PSG6: variants seen among roughly 807,000 people sequenced by gnomAD.
PSG6 encodes pregnancy-specific beta-1-glycoprotein 6.
In PSG6, 51 loss-of-function variants were observed where a neutral mutation model predicts 43.3. That is an observed-to-expected ratio of 1.18 (90% CI 0.94 to 1.49). The LOEUF (loss-of-function observed/expected upper bound fraction) is 1.49, where lower values mean the gene tolerates loss of function less well. Ranked by LOEUF, PSG6 falls within the 40% of genes most tolerant of loss-of-function variation. The pLI, the probability that PSG6 is intolerant of heterozygous loss-of-function variation, is 0.00. For missense variants in PSG6, 770 were observed against 522.2 expected (o/e 1.47, Z -4.62); for synonymous variants, 292 against 197.6 (o/e 1.48, Z -4.01).
intron 2 of PSG6, among the ~76,000 whole-genome samples, chr19:42,914,201 A>C (rs1351969848): frequency 6.6e-6 from 1 of 151,320 alleles, no homozygotes; most frequent in Non-Finnish European, 1.5e-5. Flanking sequence ...TCTCTTAGTG[A>C]CCTGGGGACA....
rs1240113724 is a variant in PSG6, at chr19:42,906,565, C to T, written c.1240+357G>A. ...TTCCTTGTAGCTCATGGAATAGGTA[C>T]AAGAAAACAAAGACATGGCAGAAGG... is the stretch of plus-strand genomic sequence containing the variant. On this transcript the variant is annotated intron_variant, in intron 5 of 5. Coordinates refer to ENST00000187910, the MANE Select transcript of PSG6 (RefSeq NM_001031850.4). 1.1e-5 allele frequency: 15 copies of T among 1,319,946 alleles called. 1 individual carries two copies. Among genetic ancestry groups the T allele is most frequent in the Non-Finnish European group, 1.5e-5 (15 of 1,005,616 alleles). The allele number at this position is 1,319,946 out of a possible 1,614,324, so 81.8% of individuals were successfully genotyped here.
chr19:42,915,752 C>T (rs574905306), intron 2 of PSG6: 1 of 370,962 alleles, frequency 2.7e-6, no homozygotes, highest in East Asian at 4.5e-5. Context: ...GCTTCCAGAG[C>T]TGAGGTTCTC....
At position 42,910,827 on chromosome 19, in the gene PSG6, G is replaced by T. The variant is rs1234993829; in HGVS notation, c.459C>A (p.Ser153Arg). 1 of 1,611,764 alleles carries T rather than the reference G, an allele frequency of 6.2e-7. No individual in the cohort carries two copies. Among genetic ancestry groups the T allele is most frequent in the Non-Finnish European group, 8.5e-7 (1 of 1,178,874 alleles). Residue 153 changes from serine (S) to arginine (R), a missense_variant, in exon 3 of 6, where the codon AGC becomes AGA. Transcript: ENST00000187910. ...CCATGACCTCCCTGGGGTTTAAGTT[G>T]CTGCTGGAGATGGAGGGCTTGGGAG... is the stretch of plus-strand genomic sequence containing the variant. ...SETPKPSISSSNLNPREVMEA... is the reference protein window; with the variant it reads ...SETPKPSISSRNLNPREVMEA...
At chr19:42,905,496 A>C (rs895134746) in intron 5 of PSG6, among the ~76,000 whole-genome samples, 3 of 151,704 alleles carry the variant, frequency 2.0e-5, no homozygotes, top group Non-Finnish European at 4.4e-5. Context: ...GTTATAGCCA[A>C]TGTAAAAAGT....
chr19:42,909,091 G>C (rs1408281932), intron 3 of PSG6, among the ~76,000 whole-genome samples: 2 of 151,666 alleles, frequency 1.3e-5, no homozygotes, highest in Non-Finnish European at 2.9e-5. Flanking sequence ...ATACTTACTG[G>C]TTTAGCATCC....
At position 42,914,103 on chromosome 19, in the gene PSG6, G is replaced by A. The variant is rs183735376; in HGVS notation, c.427+2022C>T. 6.8e-4 allele frequency among the ~76,000 whole-genome samples: 103 copies of A among 151,664 alleles called. 3 individuals are homozygous for A. The highest frequency in any genetic ancestry group is 2.1e-4 in the Non-Finnish European group (14 of 67,890). The stretch of plus-strand genomic sequence containing the variant: ...GTCTGGCAATTACAAGGGTGGATGG[G>A]GGAACTGCCTATCCCTGTCCCATGG... On this transcript the variant is annotated intron_variant, in intron 2 of 5. Coordinates refer to ENST00000187910, the MANE Select transcript of PSG6 (RefSeq NM_001031850.4).
At chr19:42,907,485 A>T in intron 4 of PSG6, 91 bp downstream of exon 4, 1 of 1,576,336 alleles carries the variant, frequency 6.3e-7, no homozygotes. Context: ...AGTTGTCTAT[A>T]CTTGGACCGG....
chr19:42,911,163 C>T (rs1272965461), intron 2 of PSG6, among the ~76,000 whole-genome samples: 2 of 151,584 alleles, frequency 1.3e-5, no homozygotes, highest in South Asian at 2.1e-4. Flanking sequence ...CCTCCGTCTC[C>T]AACTGCCTGC....
Position 42,907,811 on chromosome 19 carries a change from G to C in PSG6, c.750C>G (p.Pro250=). The change falls in exon 4 of 6, where the codon CCC becomes CCG. Residue 250 remains proline (P), a synonymous_variant. Coordinates refer to ENST00000187910, the MANE Select transcript of PSG6 (RefSeq NM_001031850.4). ...MPYITINNLN[P]REKKDVLAFT... ...AGGCTAACACATCCTTCTTCTCCCTGGGGTTTAAGTTGTTGATGGTGATGT... is the reference window on the plus strand; with the variant it reads ...AGGCTAACACATCCTTCTTCTCCCTCGGGTTTAAGTTGTTGATGGTGATGT... The C allele has an allele frequency of 6.2e-7, 1 of 1,611,524 alleles. No homozygotes were observed. Among genetic ancestry groups the C allele is most frequent in the Non-Finnish European group, 8.5e-7 (1 of 1,179,062 alleles).
At position 42,910,813 on chromosome 19, in the gene PSG6, C is replaced by G. The variant is rs768444525; in HGVS notation, c.473G>C (p.Arg158Thr). Residue 158 changes from arginine to threonine, a missense_variant, in exon 3 of 6, where the codon AGG (arginine) becomes ACG (threonine). Physicochemically the swap from Arg to Thr is moderately conservative, Grantham distance 71. Transcript: ENST00000187910. ...PSISSSNLNP[R>T]EVMEAVRLIC... ...TAAGCGCACAGCCTCCATGACCTCC[C>G]TGGGGTTTAAGTTGCTGCTGGAGAT... 11 of 1,611,960 alleles carry G rather than the reference C, an allele frequency of 6.8e-6. No individual in the cohort carries two copies. In the Admixed American group the frequency reaches 1.8e-4, roughly 27 times the overall value.
intron 5 of PSG6, chr19:42,903,561 G>A (rs1972066907): frequency 1.4e-6 from 2 of 1,389,668 alleles, no homozygotes; most frequent in Admixed American, 3.2e-5. Flanking sequence ...GATTGGCTAA[G>A]AAAAAAAGAG....
In PSG6 at chr19:42,916,106, A is replaced by C. The variant is rs764219415; in HGVS notation, c.427+19T>G. The C allele has an allele frequency of 3.1e-6, 5 of 1,608,990 alleles. No individual in the cohort carries two copies. Among genetic ancestry groups the C allele is most frequent in the Non-Finnish European group, 4.2e-6 (5 of 1,177,694 alleles). On this transcript the variant is annotated intron_variant, in intron 2 of 5. Coordinates refer to ENST00000187910, the MANE Select transcript of PSG6 (RefSeq NM_001031850.4). ...GACCCCTGCCCCCCAACACCCAGGG[A>C]TCATGCGGAATCACTCACAGTATAA...
In PSG6 at chr19:42,917,742, C is replaced by A. The variant is rs142685207; in HGVS notation, c.51G>T (p.Gly17=). 439 of 1,610,188 alleles carry A rather than the reference C, an allele frequency of 2.7e-4. 3 individuals are homozygous for A. The highest frequency in any genetic ancestry group is 1.2e-4 in the Non-Finnish European group (138 of 1,177,876). ...TCCTCTCCTCACCTGTGAGCAGGAG[C>A]CCCTTCCAGGTGATGTGCTGAGTGC... ...PPCTQHITWK[G]LLLTASLLNF... Residue 17 remains glycine (G), a synonymous_variant, in exon 1 of 6, where the codon GGG becomes GGT. Coordinates refer to ENST00000187910, the MANE Select transcript of PSG6 (RefSeq NM_001031850.4).
rs753947290 is a variant in PSG6, at chr19:42,907,856, T to G, written c.707-2A>C. On this transcript the variant is annotated splice_acceptor_variant, in intron 3 of 5. Coordinates refer to ENST00000187910, the MANE Select transcript of PSG6 (RefSeq NM_001031850.4). LOFTEE classifies it high-confidence loss of function. ...TGATGTAAGGCATGGGCAGCTTCGC[T>G]GTGTGGATAACAGAAGATTGTCCTG... 6.2e-7 allele frequency: 1 copy of G among 1,610,524 alleles called. No homozygotes were observed. The highest frequency in any genetic ancestry group is 8.5e-7 in the Non-Finnish European group (1 of 1,178,868).
Position 42,917,827 on chromosome 19 carries a change from A to G in PSG6, c.-35T>C, listed in dbSNP as rs578216859. 1.1e-5 allele frequency: 17 copies of G among 1,599,458 alleles called. 1 individual carries two copies. The highest frequency in any genetic ancestry group is 1.2e-5 in the Non-Finnish European group (14 of 1,171,934). ...TGTCTGTGTGTTCTCCCCTGTGGAG[A>G]TGAGCCTAGGATCCAGAGACTTCCT... On this transcript the variant is annotated 5_prime_UTR_variant, in exon 1 of 6. Transcript: ENST00000187910.
At chr19:42,907,425 A>G in intron 4 of PSG6, 151 bp downstream of exon 4, 1 of 1,494,562 alleles carries the variant, frequency 6.7e-7, no homozygotes, top group Non-Finnish European at 9.0e-7. Context: ...GTGCCTACCC[A>G]GGATTTCCCA....
chr19:42,910,480 G>T, intron 3 of PSG6, 100 bp downstream of exon 3: 1 of 1,611,422 alleles, frequency 6.2e-7, no homozygotes, highest in Non-Finnish European at 8.5e-7. Flanking sequence ...CAGGGATAAA[G>T]GTCTCTGTAC....
At position 42,916,555 on chromosome 19, in the gene PSG6, T is replaced by A. The variant is rs775875914; in HGVS notation, c.65-68A>T. ...ATTGGGGTGAAAAGATGGGGCCCTG[T>A]GTCCTGAGAAGGTCTCTTCAATCAT... is the stretch of plus-strand genomic sequence containing the variant. On this transcript the variant is annotated intron_variant, in intron 1 of 5. Transcript: ENST00000187910. 3.3e-6 allele frequency: 5 copies of A among 1,537,632 alleles called. No homozygotes were observed. The Admixed American group carries it at 5.8e-5, about 18-fold the overall frequency.
At chr19:42,916,015 A>C in intron 2 of PSG6, 110 bp downstream of exon 2, 2 of 1,550,180 alleles carry the variant, frequency 1.3e-6, no homozygotes, top group East Asian at 4.5e-5. Flanking sequence ...CCAGCATGGG[A>C]CATAATGCAG....
Sources: gnomAD v4.1 joint callset for allele counts (sites outside exome capture counted in the v4.1 genomes callset) on GRCh38, gnomAD v4.1.1 for gene constraint, MANE v1.5 for transcripts, NCBI Gene and HGNC (gene_info 2026-07-23, HGNC 2026-07-21) for gene names.